Variants in PEPD observed in about 807,000 individuals in gnomAD.
PEPD encodes peptidase D, also known as xaa-Pro dipeptidase.
PEPD carries 53 observed loss-of-function variants against 60.7 expected under a neutral mutation model. The ratio of observed to expected loss-of-function variants is 0.87; its 90% CI spans 0.70 to 1.10. The LOEUF (loss-of-function observed/expected upper bound fraction) is 1.10, where lower values mean the gene tolerates loss of function less well. PEPD is among the 50% of genes least tolerant of loss of function. PEPD has a pLI of 0.00. For missense variants in PEPD, 711 were observed against 711.9 expected (o/e 1.00, Z 0.01); for synonymous variants, 267 against 284.1 (o/e 0.94, Z 0.60).
At chr19:33,501,117 A>G in intron 3 of PEPD, 116 bp from the exon 4 acceptor site, 2 of 742,552 alleles carry the variant, frequency 2.7e-6, no homozygotes, top group South Asian at 2.8e-5. Context: ...TATCACGGTC[A>G]GCACCCAGCA....
At chr19:33,396,762 G>C (rs1223894065) in intron 12 of PEPD, among the ~76,000 whole-genome samples, 1 of 152,092 alleles carries the variant, frequency 6.6e-6, no homozygotes, top group Non-Finnish European at 1.5e-5. Context: ...GAGGCTACAG[G>C]AGGCTCTGGG....
At chr19:33,495,122 C>T (rs1970576955) in intron 4 of PEPD, among the ~76,000 whole-genome samples, 1 of 150,554 alleles carries the variant, frequency 6.6e-6, no homozygotes, top group South Asian at 2.1e-4. Context: ...GGCAACAGAG[C>T]AAGACTCCGT....
At chr19:33,496,211 T>C (rs1970600196) in intron 4 of PEPD, among the ~76,000 whole-genome samples, 1 of 152,190 alleles carries the variant, frequency 6.6e-6, no homozygotes. Context: ...TTGTATCTGC[T>C]ATCGTCTTGG....
intron 9 of PEPD, among the ~76,000 whole-genome samples, chr19:33,456,149 C>T (rs377246568): frequency 1.3e-5 from 2 of 152,134 alleles, no homozygotes; most frequent in South Asian, 2.1e-4. Flanking sequence ...AGCCTGACCC[C>T]GCTGAGAGCC....
At chr19:33,422,571 T>A (rs907815298) in intron 9 of PEPD, among the ~76,000 whole-genome samples, 1 of 150,826 alleles carries the variant, frequency 6.6e-6, no homozygotes, top group Non-Finnish European at 1.5e-5. Context: ...TCACTCTATA[T>A]CTACCTATCT....
chr19:33,505,841 A>AC (rs1970790972), intron 3 of PEPD, among the ~76,000 whole-genome samples: 1 of 131,368 alleles, frequency 7.6e-6, no homozygotes, highest in African/African-American at 2.6e-5. Flanking sequence ...ACCCACACAC[A>AC]ACACAGCATA....
Position 33,494,992 on chromosome 19 carries a change from T to TG in PEPD, c.394-1656dup, listed in dbSNP as rs536898000. On this transcript the variant is annotated intron_variant, in intron 4 of 14. Transcript: ENST00000244137. ...TATTAAAAATACAAAAAAAATTAGC[T>TG]GGATGTGGTGGCGGGTGCCTGTAGT... Among the ~76,000 whole-genome samples, 209 of 151,814 alleles carry TG rather than the reference T, an allele frequency of 1.4e-3. 1 individual carries two copies. Among genetic ancestry groups the TG allele is most frequent in the African/African-American group, 4.3e-3 (177 of 41,396 alleles).
At chr19:33,485,984 T>G (rs1172801989) in intron 6 of PEPD, among the ~76,000 whole-genome samples, 1 of 152,068 alleles carries the variant, frequency 6.6e-6, no homozygotes, top group Non-Finnish European at 1.5e-5. Context: ...GGAAACTTGA[T>G]GGACAGGCAT....
intron 9 of PEPD, among the ~76,000 whole-genome samples, chr19:33,440,496 C>T (rs537968498): frequency 7.1e-4 from 108 of 152,176 alleles, no homozygotes; most frequent in African/African-American, 2.5e-3. Flanking sequence ...CTCTGCTCGG[C>T]CCCTCACCTC....
intron 7 of PEPD, among the ~76,000 whole-genome samples, chr19:33,469,434 C>G (rs1413308831): frequency 6.6e-6 from 1 of 152,200 alleles, no homozygotes. Context: ...ATATCTACCC[C>G]CAACTTCTGC....
intron 1 of PEPD, among the ~76,000 whole-genome samples, chr19:33,517,924 G>A (rs1248508551): frequency 1.3e-5 from 2 of 149,628 alleles, no homozygotes; most frequent in South Asian, 2.1e-4. Flanking sequence ...CCGAGATCGC[G>A]CCATTGCACT....
intron 9 of PEPD, among the ~76,000 whole-genome samples, chr19:33,439,105 A>G (rs1275414428): frequency 2.6e-5 from 4 of 152,232 alleles, no homozygotes; most frequent in Non-Finnish European, 4.4e-5. Flanking sequence ...AGGACAGGAC[A>G]TGGAGTCGAG....
chr19:33,515,701 G>A (rs1289645714), intron 1 of PEPD, among the ~76,000 whole-genome samples: 1 of 149,406 alleles, frequency 6.7e-6, no homozygotes, highest in Non-Finnish European at 1.5e-5. Context: ...CACAGTCGTC[G>A]AATAGCATGA....
At chr19:33,401,235 C>G (rs1020463500) in intron 12 of PEPD, among the ~76,000 whole-genome samples, 36 of 152,232 alleles carry the variant, frequency 2.4e-4, no homozygotes, top group Non-Finnish European at 4.4e-5. Context: ...AGGTGCTTTA[C>G]ACAGCTTAAC....
intron 9 of PEPD, 169 bp downstream of exon 9, chr19:33,462,826 C>T (rs1405102524): frequency 3.4e-5 from 23 of 678,896 alleles, no homozygotes; most frequent in Non-Finnish European, 5.9e-5. Flanking sequence ...GCCAGGGAGG[C>T]GGGCGCAGTC....
intron 4 of PEPD, among the ~76,000 whole-genome samples, chr19:33,499,190 G>A (rs1970663923): frequency 6.6e-6 from 1 of 152,168 alleles, no homozygotes; most frequent in South Asian, 2.1e-4. Flanking sequence ...GGTCACATGT[G>A]TATTGACAGA....
At chr19:33,520,090 G>A (rs1017162717) in intron 1 of PEPD, among the ~76,000 whole-genome samples, 9 of 151,662 alleles carry the variant, frequency 5.9e-5, no homozygotes, top group African/African-American at 2.2e-4. Flanking sequence ...AAGAGAAAAA[G>A]AAAAGCTCTC....
chr19:33,440,058 G>A (rs550671857), intron 9 of PEPD, among the ~76,000 whole-genome samples: 3 of 152,232 alleles, frequency 2.0e-5, no homozygotes, highest in South Asian at 2.1e-4. Context: ...TTCCTCAAGC[G>A]TTTCTAAACC....
chr19:33,400,717 A>G (rs1238268614), intron 12 of PEPD, among the ~76,000 whole-genome samples: 2 of 152,238 alleles, frequency 1.3e-5, no homozygotes, highest in African/African-American at 2.4e-5. Flanking sequence ...GAAGGCTTGA[A>G]GCAAGAACAT....
Sources: allele counts gnomAD v4.1 joint callset (sites outside exome capture counted in the v4.1 genomes callset), GRCh38; gene constraint gnomAD v4.1.1; transcripts MANE v1.5; gene names NCBI Gene and HGNC (gene_info 2026-07-23, HGNC 2026-07-21).